The following GALNT13 variants were observed in gnomAD, a reference collection of about 807,000 sequenced individuals.
The protein encoded by GALNT13 is UDP-GalNAc:polypeptide N-acetylgalactosaminyltransferase 13.
GALNT13 carries 28 observed loss-of-function variants against 64.2 expected under a neutral mutation model. That is an observed-to-expected ratio of 0.44 (90% CI 0.32 to 0.60). The LOEUF is 0.60. Ranked by LOEUF, GALNT13 falls within the 20% of genes least tolerant of loss-of-function variation. The pLI, the probability that GALNT13 is intolerant of heterozygous loss-of-function variation, is 0.05. For missense variants in GALNT13, 577 were observed against 669.8 expected, an observed-to-expected ratio of 0.86 and a Z score of 1.53; for synonymous variants, 214 against 224.6, an observed-to-expected ratio of 0.95 and a Z score of 0.42.
the GALNT13 span, among the ~76,000 whole-genome samples, chr2:153,659,246 T>A: frequency 4.7e-3 from 710 of 152,206 alleles, 4 homozygotes; most frequent in Non-Finnish European, 7.9e-3. Context: ...TGCCAGATTC[T>A]ATATCTGCAA....
chr2:153,435,754 A>G, the GALNT13 span, among the ~76,000 whole-genome samples: 3 of 152,164 alleles, frequency 2.0e-5, no homozygotes, highest in African/African-American at 7.2e-5. Context: ...TTCTAGATAC[A>G]CAGTCATGTC....
chr2:153,640,871 C>T, the GALNT13 span, among the ~76,000 whole-genome samples: 2 of 151,974 alleles, frequency 1.3e-5, no homozygotes, highest in Admixed American at 6.6e-5. Context: ...TAACAAGTGG[C>T]AACTTTCTTA....
At chr2:153,862,883 A>G in the GALNT13 span, among the ~76,000 whole-genome samples, 1 of 152,124 alleles carries the variant, frequency 6.6e-6, no homozygotes, top group African/African-American at 2.4e-5. Context: ...TTTTAAAATA[A>G]AGAATATCCC....
chr2:153,554,458 T>A, the GALNT13 span, among the ~76,000 whole-genome samples: 3,337 of 152,284 alleles, frequency 0.022, 118 homozygotes, highest in African/African-American at 0.076. Context: ...GACAGAAATA[T>A]TTAGGTCTGA....
chr2:153,966,543 T>G (rs1693365778), intron 3 of GALNT13, among the ~76,000 whole-genome samples: 2 of 152,114 alleles, frequency 1.3e-5, no homozygotes, highest in South Asian at 4.1e-4. Flanking sequence ...TTTTTTTTTG[T>G]ATTTTTAGTA....
At chr2:153,402,292 G>A in the GALNT13 span, among the ~76,000 whole-genome samples, 2 of 152,020 alleles carry the variant, frequency 1.3e-5, no homozygotes, top group African/African-American at 4.8e-5. Flanking sequence ...TCTGCCGAGA[G>A]ATCTGCTGTT....
chr2:154,406,448 C>T (rs1429188680), intron 10 of GALNT13, among the ~76,000 whole-genome samples: 9 of 152,138 alleles, frequency 5.9e-5, no homozygotes, highest in Non-Finnish European at 5.9e-5. Flanking sequence ...ACCTCTCTAA[C>T]CTGCCCCTTG....
the GALNT13 span, among the ~76,000 whole-genome samples, chr2:153,181,944 G>C: frequency 1.3e-5 from 2 of 148,812 alleles, no homozygotes; most frequent in Non-Finnish European, 3.0e-5. Flanking sequence ...ATATACAAAT[G>C]GTAATTTAGT....
chr2:153,121,354 G>T, the GALNT13 span, among the ~76,000 whole-genome samples: 1 of 152,034 alleles, frequency 6.6e-6, no homozygotes, highest in African/African-American at 2.4e-5. Context: ...AAATGCTTTC[G>T]TTCAGTGATT....
chr2:153,391,528 G>A, the GALNT13 span, among the ~76,000 whole-genome samples: 3 of 152,132 alleles, frequency 2.0e-5, no homozygotes, highest in South Asian at 4.1e-4. Flanking sequence ...TAGGTCTTTT[G>A]TTAAAAAATG....
intron 3 of GALNT13, among the ~76,000 whole-genome samples, chr2:153,955,076 G>A (rs1003389625): frequency 6.6e-6 from 1 of 151,974 alleles, no homozygotes; most frequent in Non-Finnish European, 1.5e-5. Flanking sequence ...TAGCAATTTT[G>A]CATTTATTGA....
intron 4 of GALNT13, among the ~76,000 whole-genome samples, chr2:154,168,364 T>G (rs2105691415): frequency 6.6e-6 from 1 of 152,242 alleles, no homozygotes; most frequent in African/African-American, 2.4e-5. Context: ...AGCCCTCAAC[T>G]TATTGGATGA....
At chr2:154,190,210 A>G (rs1398057830) in intron 4 of GALNT13, among the ~76,000 whole-genome samples, 1 of 152,144 alleles carries the variant, frequency 6.6e-6, no homozygotes, top group Non-Finnish European at 1.5e-5. Context: ...ATGGAGAGCA[A>G]TCCCCTTTGC....
chr2:153,209,962 T>C, the GALNT13 span, among the ~76,000 whole-genome samples: 1 of 152,114 alleles, frequency 6.6e-6, no homozygotes. Context: ...AGTTTCTAAT[T>C]ATTTGTTTTT....
chr2:153,888,055 C>T (rs922321368), intron 1 of GALNT13, among the ~76,000 whole-genome samples: 8 of 151,830 alleles, frequency 5.3e-5, no homozygotes, highest in Non-Finnish European at 1.2e-4. Flanking sequence ...TAATTGATTT[C>T]CCATTTAGAA....
chr2:153,481,402 G>C, the GALNT13 span, among the ~76,000 whole-genome samples: 1 of 151,964 alleles, frequency 6.6e-6, no homozygotes, highest in Non-Finnish European at 1.5e-5. Context: ...TTATTCACCT[G>C]TTTCTTAGGA....
the GALNT13 span, among the ~76,000 whole-genome samples, chr2:153,467,760 T>C: frequency 3.9e-5 from 6 of 152,036 alleles, no homozygotes; most frequent in Non-Finnish European, 7.4e-5. Flanking sequence ...CAAGAATTTA[T>C]TTGATGCTGA....
chr2:154,306,722 A>G (rs1246231270), intron 9 of GALNT13, among the ~76,000 whole-genome samples: 1 of 151,960 alleles, frequency 6.6e-6, no homozygotes, highest in Non-Finnish European at 1.5e-5. Context: ...GTGGGATCAC[A>G]GAACTGGTTG....
At chr2:154,419,062 C>T (rs967001118) in intron 11 of GALNT13, among the ~76,000 whole-genome samples, 4 of 151,950 alleles carry the variant, frequency 2.6e-5, no homozygotes, top group Admixed American at 2.0e-4. Context: ...AAAATGAAAT[C>T]CTTAAAATAT....
Sources: gnomAD v4.1 joint callset for allele counts (sites outside exome capture counted in the v4.1 genomes callset) on GRCh38, gnomAD v4.1.1 for gene constraint, MANE v1.5 for transcripts, NCBI Gene and HGNC (gene_info 2026-07-23, HGNC 2026-07-21) for gene names.